The following KDM4B variants were observed in gnomAD, a reference collection of about 807,000 sequenced individuals.
The protein encoded by KDM4B is lysine demethylase 4B, also known as lysine-specific demethylase 4B.
KDM4B carries 32 observed loss-of-function variants against 125.2 expected under a neutral mutation model. The observed-to-expected ratio is 0.26, with a 90% CI of 0.19 to 0.34. The LOEUF (loss-of-function observed/expected upper bound fraction) is 0.34, where lower values mean the gene tolerates loss of function less well. Ranked by LOEUF, KDM4B falls within the 10% of genes least tolerant of loss-of-function variation. The probability of loss-of-function intolerance (pLI) is 1.00; values close to 1 mark genes in which losing one functional copy is unlikely to be tolerated. For synonymous variants in KDM4B, 721 were observed against 677.9 expected, an observed-to-expected ratio of 1.06 and a Z score of -0.99; for missense variants, 1,190 against 1,577.7, an observed-to-expected ratio of 0.75 and a Z score of 4.16.
chr19:5,057,416 T>C (rs556413890), intron 6 of KDM4B, among the ~76,000 whole-genome samples: 1 of 152,356 alleles, frequency 6.6e-6, no homozygotes, highest in Admixed American at 6.5e-5. Flanking sequence ...GGCTGGACTT[T>C]AGTCGACTTT....
intron 21 of KDM4B, among the ~76,000 whole-genome samples, chr19:5,145,885 G>T (rs754300925): frequency 2.0e-5 from 3 of 152,228 alleles, no homozygotes; most frequent in Non-Finnish European, 4.4e-5. Flanking sequence ...AAACATCGGA[G>T]TTCAGCTCTT....
chr19:4,978,376 A>G (rs1186910244), intron 1 of KDM4B, among the ~76,000 whole-genome samples: 1 of 151,742 alleles, frequency 6.6e-6, no homozygotes, highest in Non-Finnish European at 1.5e-5. Flanking sequence ...GCGCGGTGGC[A>G]CGTGCCTGTA....
intron 18 of KDM4B, among the ~76,000 whole-genome samples, chr19:5,143,736 G>T (rs1276245049): frequency 6.6e-6 from 1 of 152,202 alleles, no homozygotes. Flanking sequence ...GGGGGGATGG[G>T]AGAGGACTCC....
At chr19:4,969,919 A>G (rs1343685764) in intron 1 of KDM4B, among the ~76,000 whole-genome samples, 1 of 152,050 alleles carries the variant, frequency 6.6e-6, no homozygotes, top group East Asian at 1.9e-4. Flanking sequence ...TTGCTATGCA[A>G]CGGCAGCCTC....
In KDM4B at chr19:5,150,526, C is replaced by T. The variant is rs532704307; in HGVS notation, c.3114+76C>T. On this transcript the variant is annotated intron_variant, in intron 22 of 22. Coordinates refer to ENST00000159111, the MANE Select transcript of KDM4B (RefSeq NM_015015.3). ...CTGGGACGAGGCAGGGCACAGACTGCGTCTTCCAATGGCGTGGACCACCCC... is the reference window on the plus strand; with the variant it reads ...CTGGGACGAGGCAGGGCACAGACTGTGTCTTCCAATGGCGTGGACCACCCC... 6 of 1,093,052 alleles carry T rather than the reference C, an allele frequency of 5.5e-6. No individual in the cohort carries two copies. The Admixed American group carries it at 6.3e-5, about 11-fold the overall frequency. The allele number at this position is 1,093,052 out of a possible 1,614,324, so 67.7% of individuals were successfully genotyped here.
chr19:5,107,831 C>G (rs1349993526), intron 9 of KDM4B, among the ~76,000 whole-genome samples: 3 of 152,246 alleles, frequency 2.0e-5, no homozygotes, highest in Non-Finnish European at 4.4e-5. Context: ...AGCGACTACC[C>G]TGTGTCCTCG....
intron 1 of KDM4B, among the ~76,000 whole-genome samples, chr19:5,002,240 C>T (rs1254398732): frequency 6.6e-6 from 1 of 152,214 alleles, no homozygotes; most frequent in Non-Finnish European, 1.5e-5. Context: ...TCAGGTGATT[C>T]ACCGGCCTTG....
At chr19:5,015,038 C>T (rs1421864889) in intron 1 of KDM4B, among the ~76,000 whole-genome samples, 6 of 149,688 alleles carry the variant, frequency 4.0e-5, no homozygotes, top group Admixed American at 2.7e-4. Context: ...CCCCAGGGGG[C>T]GAGCTCCTCT....
intron 3 of KDM4B, among the ~76,000 whole-genome samples, chr19:5,038,234 G>A (rs1028409843): frequency 3.9e-5 from 6 of 152,220 alleles, no homozygotes; most frequent in Non-Finnish European, 7.3e-5. Context: ...GCCCCGGAGC[G>A]GCTGGGAGGG....
intron 9 of KDM4B, among the ~76,000 whole-genome samples, chr19:5,105,358 G>C (rs941271515): frequency 6.6e-6 from 1 of 152,254 alleles, no homozygotes; most frequent in African/African-American, 2.4e-5. Context: ...TGGTCTGTGG[G>C]ACGTGGTGTT....
intron 1 of KDM4B, among the ~76,000 whole-genome samples, chr19:4,996,523 A>G (rs1231606876): frequency 1.3e-5 from 2 of 149,372 alleles, no homozygotes; most frequent in Non-Finnish European, 3.0e-5. Flanking sequence ...ACATGTGTGC[A>G]CTACCACATC....
intron 5 of KDM4B, among the ~76,000 whole-genome samples, chr19:5,043,287 T>C (rs915235397): frequency 1.4e-5 from 2 of 146,152 alleles, no homozygotes; most frequent in African/African-American, 5.2e-5. Flanking sequence ...AGTGGGGGTG[T>C]CCACCTTATC....
intron 1 of KDM4B, among the ~76,000 whole-genome samples, chr19:4,979,552 C>T (rs545271718): frequency 1.1e-4 from 16 of 152,104 alleles, no homozygotes; most frequent in African/African-American, 2.9e-4. Context: ...AGGTGTTACC[C>T]GAACCAGTGT....
At chr19:5,143,910 T>A (rs1443478729) in intron 18 of KDM4B, 57 bp from the exon 19 acceptor site, 2 of 1,393,466 alleles carry the variant, frequency 1.4e-6, no homozygotes, top group Non-Finnish European at 2.0e-6. Context: ...GGGACTCCGT[T>A]CCAGGGTCCC....
At position 5,028,618 on chromosome 19, in the gene KDM4B, G is replaced by A. The variant is rs570335622; in HGVS notation, c.-25-4248G>A. Among the ~76,000 whole-genome samples the A allele has an allele frequency of 1.4e-4, 21 of 152,316 alleles. No homozygotes were observed. The South Asian group carries it at 3.3e-3, about 24-fold the overall frequency. On this transcript the variant is annotated intron_variant, in intron 2 of 22. Transcript: ENST00000159111. ...CAGGAGTGGAATTGCTGGGTCAAGT[G>A]TGATTTATGTGTGACATTTCCAGGA...
rs1031162449 is a variant in KDM4B at position 5,079,436 on chromosome 19, A to G, written c.780+1966A>G. On this transcript the variant is annotated intron_variant, in intron 8 of 22. Transcript: ENST00000159111. ...TAATCTTCTTGTCCTAACCGAGCAC[A>G]TTTTCTCTTCTAGGCCTTGGTTCAT... Among the ~76,000 whole-genome samples the G allele has an allele frequency of 3.3e-5, 5 of 152,134 alleles. No homozygotes were observed. In the East Asian group the frequency reaches 7.7e-4, roughly 23 times the overall value.
At chr19:4,976,350 A>G (rs1179418378) in intron 1 of KDM4B, among the ~76,000 whole-genome samples, 4 of 151,942 alleles carry the variant, frequency 2.6e-5, no homozygotes, top group Non-Finnish European at 4.4e-5. Flanking sequence ...CAGCCTCACC[A>G]TAAAGGAGGG....
intron 3 of KDM4B, among the ~76,000 whole-genome samples, chr19:5,036,450 G>T (rs964705650): frequency 3.3e-5 from 5 of 152,236 alleles, no homozygotes; most frequent in African/African-American, 1.2e-4. Flanking sequence ...CACTTGGGAA[G>T]CACTGAGGTG....
At chr19:5,123,283 C>T (rs2039394519) in intron 11 of KDM4B, among the ~76,000 whole-genome samples, 1 of 152,232 alleles carries the variant, frequency 6.6e-6, no homozygotes, top group Admixed American at 6.5e-5. Context: ...AATCTCACAC[C>T]TGTGGAAGCG....
Sources: gnomAD v4.1 joint callset for allele counts (sites outside exome capture counted in the v4.1 genomes callset) on GRCh38, gnomAD v4.1.1 for gene constraint, MANE v1.5 for transcripts, NCBI Gene and HGNC (gene_info 2026-07-23, HGNC 2026-07-21) for gene names.